The following KCNB2 variants were observed in gnomAD, a reference collection of about 807,000 sequenced individuals.
KCNB2 encodes the protein delayed rectifier potassium channel protein.
Under a neutral mutation model 61.5 loss-of-function variants are expected in KCNB2, and 15 were observed. That is an observed-to-expected ratio of 0.24 (90% CI 0.16 to 0.38). The LOEUF is 0.38. Among genes scored for constraint, KCNB2 ranks in the 10% least tolerant of loss-of-function variants. KCNB2 has a pLI of 1.00. For missense variants in KCNB2, 828 were observed against 1,125.2 expected, an observed-to-expected ratio of 0.74 and a Z score of 3.78; for synonymous variants, 457 against 446.0, an observed-to-expected ratio of 1.02 and a Z score of -0.31.
intron 2 of KCNB2, among the ~76,000 whole-genome samples, chr8:72,630,847 G>C (rs1805866942): frequency 6.6e-6 from 1 of 152,112 alleles, no homozygotes; most frequent in Non-Finnish European, 1.5e-5. Context: ...GACACCCCTT[G>C]ATAAACCTAA....
At chr8:72,632,067 A>G (rs1585796211) in intron 2 of KCNB2, among the ~76,000 whole-genome samples, 1 of 150,352 alleles carries the variant, frequency 6.7e-6, no homozygotes, top group Admixed American at 6.7e-5. Flanking sequence ...CAAGACCCCC[A>G]TCTTTTAAAA....
In KCNB2 at chr8:72,681,280, G is replaced by A. The variant is rs1187772479; in HGVS notation, c.579+112967G>A. On this transcript the variant is annotated intron_variant, in intron 2 of 2. Coordinates refer to ENST00000523207, the MANE Select transcript of KCNB2 (RefSeq NM_004770.3). ...GCTTTAGAATAGAAAAAAGACAGTA[G>A]GAATATAAAAGGCAACAAAAAAAGA... is the stretch of plus-strand genomic sequence containing the variant. Among the ~76,000 whole-genome samples the A allele has an allele frequency of 4.6e-5, 7 of 152,082 alleles. No homozygotes were observed. In the East Asian group the frequency reaches 7.7e-4, roughly 17 times the overall value.
intron 2 of KCNB2, among the ~76,000 whole-genome samples, chr8:72,728,498 C>A (rs1431773963): frequency 5.9e-5 from 9 of 152,092 alleles, no homozygotes; most frequent in Non-Finnish European, 1.2e-4. Flanking sequence ...AACCAATGAA[C>A]ACCTACATGT....
intron 2 of KCNB2, among the ~76,000 whole-genome samples, chr8:72,889,472 G>C (rs1805860688): frequency 1.3e-5 from 2 of 152,184 alleles, no homozygotes; most frequent in Admixed American, 1.3e-4. Flanking sequence ...AGGACTGCTT[G>C]CATCCAGGAG....
chr8:72,747,991 A>G (rs898857670), intron 2 of KCNB2, among the ~76,000 whole-genome samples: 9 of 152,204 alleles, frequency 5.9e-5, no homozygotes, highest in Non-Finnish European at 1.3e-4. Context: ...ACTGCTATTT[A>G]CTTATCAACA....
At chr8:72,742,686 G>T (rs1205494875) in intron 2 of KCNB2, among the ~76,000 whole-genome samples, 2 of 152,090 alleles carry the variant, frequency 1.3e-5, no homozygotes, top group Admixed American at 6.6e-5. Context: ...CCTCCTGTGC[G>T]TGGAAGGGGC....
At chr8:72,629,262 G>A (rs1805841957) in intron 2 of KCNB2, among the ~76,000 whole-genome samples, 1 of 152,166 alleles carries the variant, frequency 6.6e-6, no homozygotes, top group Non-Finnish European at 1.5e-5. Context: ...CCCCCACAGT[G>A]TCTGGTAACT....
chr8:72,666,875 T>TG (rs1303486513), intron 2 of KCNB2, among the ~76,000 whole-genome samples: 3 of 106,322 alleles, frequency 2.8e-5, no homozygotes, highest in Admixed American at 8.0e-5. Context: ...TTCTTATCTG[T>TG]TTTTGTTGCT....
intron 2 of KCNB2, among the ~76,000 whole-genome samples, chr8:72,825,043 C>G (rs1277382249): frequency 1.3e-5 from 2 of 152,194 alleles, no homozygotes; most frequent in Non-Finnish European, 2.9e-5. Context: ...CCACTAAACA[C>G]TAATTCGTCT....
chr8:72,657,245 G>C (rs1297131974), intron 2 of KCNB2, among the ~76,000 whole-genome samples: 1 of 152,094 alleles, frequency 6.6e-6, no homozygotes, highest in African/African-American at 2.4e-5. Flanking sequence ...TACAACTAAA[G>C]AAGTATAAAG....
intron 2 of KCNB2, among the ~76,000 whole-genome samples, chr8:72,629,318 G>A (rs746415936): frequency 1.5e-4 from 23 of 152,158 alleles, no homozygotes; most frequent in Non-Finnish European, 4.4e-5. Context: ...TCCCAACTCC[G>A]CTTCCATCAG....
At chr8:72,818,077 T>C (rs921929541) in intron 2 of KCNB2, among the ~76,000 whole-genome samples, 1 of 152,112 alleles carries the variant, frequency 6.6e-6, no homozygotes, top group African/African-American at 2.4e-5. Context: ...CAATAGGATT[T>C]CATTCTTAAA....
chr8:72,937,334 C>T lies in KCNB2; in HGVS notation c.1979C>T (p.Pro660Leu). ...PFLTLSREKG[P>L]AARDGTLEYA... Reference sequence around the variant, plus strand: ...CTAACTCTATCCAGAGAGAAAGGACCTGCTGCCAGGGATGGCACGCTGGAG... The same window carrying T: ...CTAACTCTATCCAGAGAGAAAGGACTTGCTGCCAGGGATGGCACGCTGGAG... The change falls in exon 3 of 3, where the codon CCT becomes CTT. Residue 660 changes from proline to leucine, a missense_variant. Pro to Leu is a moderately conservative substitution (Grantham distance 98, BLOSUM62 -3). This residue lies in a region of KCNB2 where 559 missense variants were observed against 588.4 expected (regional missense o/e 0.95). Transcript: ENST00000523207. 1 of 1,614,088 alleles carries T rather than the reference C, an allele frequency of 6.2e-7. No homozygotes were observed. The highest frequency in any genetic ancestry group is 1.6e-4 in the Middle Eastern group (1 of 6,062).
At chr8:72,632,034 T>C (rs146297075) in intron 2 of KCNB2, among the ~76,000 whole-genome samples, 27,526 of 152,006 alleles carry the variant, frequency 0.18, 2,742 homozygotes, top group Middle Eastern at 0.26. Flanking sequence ...GCCAGGAGTT[T>C]GAGACCAATC....
At chr8:72,555,863 C>T (rs1033156681) in intron 1 of KCNB2, among the ~76,000 whole-genome samples, 1 of 151,966 alleles carries the variant, frequency 6.6e-6, no homozygotes, top group African/African-American at 2.4e-5. Flanking sequence ...CACCCATTAA[C>T]TCGTCATTTA....
At chr8:72,613,409 A>G (rs1173973634) in intron 2 of KCNB2, among the ~76,000 whole-genome samples, 1 of 152,220 alleles carries the variant, frequency 6.6e-6, no homozygotes, top group Non-Finnish European at 1.5e-5. Flanking sequence ...CTGTTATCCA[A>G]TATACATTGA....
At chr8:72,540,103 T>G (rs73308745) in intron 1 of KCNB2, among the ~76,000 whole-genome samples, 4,083 of 152,248 alleles carry the variant, frequency 0.027, 187 homozygotes, top group African/African-American at 0.093. Flanking sequence ...AATGCGTATC[T>G]GGCATTCTTA....
chr8:72,582,857 C>G (rs1806928010), intron 2 of KCNB2, among the ~76,000 whole-genome samples: 1 of 152,108 alleles, frequency 6.6e-6, no homozygotes, highest in Non-Finnish European at 1.5e-5. Context: ...TGGCCTCAAG[C>G]AAGCCTGCCA....
chr8:72,904,925 A>T (rs904047723), intron 2 of KCNB2, among the ~76,000 whole-genome samples: 2 of 151,722 alleles, frequency 1.3e-5, no homozygotes, highest in African/African-American at 4.8e-5. Context: ...TGTCTTATTC[A>T]CTTTTGTGTT....
Sources: gnomAD v4.1 joint callset for allele counts (sites outside exome capture counted in the v4.1 genomes callset) on GRCh38, gnomAD v4.1.1 for gene constraint, gnomAD v4.1.1 regional missense constraint, MANE v1.5 for transcripts, NCBI Gene and HGNC (gene_info 2026-07-23, HGNC 2026-07-21) for gene names.